Variants in CHD9 observed in about 807,000 individuals in gnomAD.
CHD9 encodes chromodomain helicase DNA binding protein 9, also known as ATP-dependent chromatin remodeler CHD9.
A neutral mutation model predicts 316.1 loss-of-function variants in CHD9; 77 were observed. The observed-to-expected ratio is 0.24, with a 90% confidence interval of 0.20 to 0.29. The LOEUF (loss-of-function observed/expected upper bound fraction) is 0.29, where lower values mean the gene tolerates loss of function less well. Ranked by LOEUF, CHD9 falls within the 10% of genes least tolerant of loss-of-function variation. CHD9 has a pLI of 1.00. For missense variants in CHD9, 2,763 were observed against 3,438.1 expected (o/e 0.80, Z 4.91); for synonymous variants, 1,129 against 1,158.3 (o/e 0.97, Z 0.51).
At chr16:53,317,424 G>T (rs1203253363) in intron 36 of CHD9, among the ~76,000 whole-genome samples, 1 of 152,182 alleles carries the variant, frequency 6.6e-6, no homozygotes, top group East Asian at 1.9e-4. Context: ...GTTAATAGTT[G>T]TATAGAGAAG....
At chr16:53,262,861 A>G in intron 19 of CHD9, 126 bp from the exon 20 acceptor site, 1 of 750,344 alleles carries the variant, frequency 1.3e-6, no homozygotes, top group Non-Finnish European at 2.2e-6. Flanking sequence ...AGACCACTGA[A>G]TTTGAAACAC....
At chr16:53,247,612 A>T in intron 16 of CHD9, 109 bp downstream of exon 16, 1 of 741,770 alleles carries the variant, frequency 1.3e-6, no homozygotes, top group African/African-American at 1.8e-5. Context: ...TTGCTAGATT[A>T]GAATAATGCA....
intron 10 of CHD9, 81 bp from the exon 11 acceptor site, chr16:53,235,077 ACTGTACACTGTTATGCCTCTTAGGGTT>A: frequency 1.3e-6 from 1 of 769,566 alleles, no homozygotes; most frequent in Non-Finnish European, 2.0e-6. Flanking sequence ...TAATCATAAC[ACTGTACACTGTTATGCCTCTTAGGGTT>A]ATTTTTAAAC....
chr16:53,088,364 G>A (rs140026030), intron 1 of CHD9, among the ~76,000 whole-genome samples: 250 of 141,472 alleles, frequency 1.8e-3, no homozygotes, highest in African/African-American at 6.1e-3. Flanking sequence ...TGCCAGCTCC[G>A]CCTCCCAGGT....
At chr16:53,229,564 A>T (rs562393127) in intron 8 of CHD9, among the ~76,000 whole-genome samples, 1 of 152,334 alleles carries the variant, frequency 6.6e-6, no homozygotes, top group Non-Finnish European at 1.5e-5. Context: ...TTCCTGCTCC[A>T]GATTTTTCTA....
intron 1 of CHD9, among the ~76,000 whole-genome samples, chr16:53,130,159 C>CG (rs2039156547): frequency 6.6e-6 from 1 of 152,174 alleles, no homozygotes; most frequent in South Asian, 2.1e-4. Flanking sequence ...TAGCTCGCGG[C>CG]GTGGAGCTGG....
intron 24 of CHD9, among the ~76,000 whole-genome samples, chr16:53,277,619 A>G (rs2052978843): frequency 6.6e-6 from 1 of 152,176 alleles, no homozygotes; most frequent in Non-Finnish European, 1.5e-5. Context: ...GCAATCTATA[A>G]CAACCTATCT....
chr16:53,203,343 ACT>A, intron 2 of CHD9, among the ~76,000 whole-genome samples: 1 of 152,064 alleles, frequency 6.6e-6, no homozygotes, highest in Non-Finnish European at 1.5e-5. Context: ...CCATGGCACC[ACT>A]GTCTCCTGAT....
At chr16:53,184,457 C>T (rs1037210567) in intron 2 of CHD9, among the ~76,000 whole-genome samples, 3 of 152,154 alleles carry the variant, frequency 2.0e-5, no homozygotes, top group African/African-American at 7.2e-5. Context: ...TCACCCCAAC[C>T]TCCCTAGTAG....
At chr16:53,093,915 C>A (rs1240398786) in intron 1 of CHD9, among the ~76,000 whole-genome samples, 2 of 152,158 alleles carry the variant, frequency 1.3e-5, no homozygotes, top group Non-Finnish European at 2.9e-5. Context: ...CAGGGACTGG[C>A]TTTGGTTCGA....
intron 24 of CHD9, among the ~76,000 whole-genome samples, chr16:53,276,661 CTTACCTTTCTGGGACT>C (rs577847796): frequency 3.9e-5 from 6 of 152,266 alleles, no homozygotes; most frequent in Non-Finnish European, 5.9e-5. Flanking sequence ...GGACTTTACT[CTTACCTTTCTGGGACT>C]TTACCTTTCT....
chr16:53,298,043 A>AT (rs1448475820), intron 30 of CHD9, among the ~76,000 whole-genome samples: 1 of 152,252 alleles, frequency 6.6e-6, no homozygotes, highest in Non-Finnish European at 1.5e-5. Context: ...CATCAATAAT[A>AT]TAGTGATAGG....
At chr16:53,298,269 C>G (rs967292815) in intron 30 of CHD9, 1 of 152,060 alleles carries the variant, frequency 6.6e-6, no homozygotes, top group Non-Finnish European at 1.5e-5. Flanking sequence ...CCCTGCGTGG[C>G]CAAGTTGCGG....
intron 1 of CHD9, among the ~76,000 whole-genome samples, chr16:53,067,773 C>T (rs769377062): frequency 1.3e-5 from 2 of 152,140 alleles, no homozygotes; most frequent in South Asian, 2.1e-4. Context: ...GGTTTCTCCA[C>T]GGTAAAGTTA....
At chr16:53,219,521 A>G (rs1205221058) in intron 3 of CHD9, among the ~76,000 whole-genome samples, 3 of 152,192 alleles carry the variant, frequency 2.0e-5, no homozygotes, top group African/African-American at 7.2e-5. Context: ...ATGCAGGAAG[A>G]AGAGCCAAAA....
intron 1 of CHD9, among the ~76,000 whole-genome samples, chr16:53,087,335 C>T (rs1051783369): frequency 6.6e-6 from 1 of 152,140 alleles, no homozygotes; most frequent in African/African-American, 2.4e-5. Flanking sequence ...TCCTCTCAGC[C>T]TCTGACTGCA....
At chr16:53,235,135 A>T (rs1166289050) in intron 10 of CHD9, 50 bp from the exon 11 acceptor site, 1 of 1,493,240 alleles carries the variant, frequency 6.7e-7, no homozygotes, top group African/African-American at 1.4e-5. Context: ...TGCCTTCAGT[A>T]TGATATATGG....
chr16:53,060,920 C>CTTTT (rs549828992), intron 1 of CHD9, among the ~76,000 whole-genome samples: 17 of 99,410 alleles, frequency 1.7e-4, no homozygotes, highest in African/African-American at 4.8e-4. Context: ...GATGTTGTCT[C>CTTTT]TTTTTTTTTT....
intron 21 of CHD9, 46 bp from the exon 22 acceptor site, chr16:53,267,881 C>G (rs1298738313): frequency 6.6e-6 from 10 of 1,522,734 alleles, no homozygotes; most frequent in Non-Finnish European, 9.0e-6. Flanking sequence ...ATATTTTTCT[C>G]TAGAACTTGA....
Sources: allele counts gnomAD v4.1 joint callset (sites outside exome capture counted in the v4.1 genomes callset), GRCh38; gene constraint gnomAD v4.1.1; transcripts MANE v1.5; gene names NCBI Gene and HGNC (gene_info 2026-07-23, HGNC 2026-07-21).